The following HUNK variants were observed in gnomAD, a reference collection of about 807,000 sequenced individuals.
HUNK encodes hormonally up-regulated neu tumor-associated kinase.
A neutral mutation model predicts 61.0 loss-of-function variants in HUNK; 21 were observed. The observed-to-expected ratio is 0.34, with a 90% confidence interval of 0.24 to 0.50. The LOEUF is 0.50. Among genes scored for constraint, HUNK ranks in the 20% least tolerant of loss-of-function variants. The probability of loss-of-function intolerance (pLI) is 0.98; values close to 1 mark genes in which losing one functional copy is unlikely to be tolerated. For missense variants in HUNK, 772 were observed against 945.7 expected (o/e 0.82, Z 2.41); for synonymous variants, 371 against 386.1 (o/e 0.96, Z 0.46).
chr21:31,941,177 T>C (rs1351574667), intron 3 of HUNK, among the ~76,000 whole-genome samples: 1 of 152,204 alleles, frequency 6.6e-6, no homozygotes, highest in African/African-American at 2.4e-5. Context: ...CTGATAGGTG[T>C]TGATGGATAC....
chr21:32,003,131 G>A lies in HUNK; in HGVS notation c.*3947G>A, dbSNP rs902208151. 1.3e-5 allele frequency: 2 copies of A among 152,322 alleles called. No homozygotes were observed. The highest frequency in any genetic ancestry group is 4.8e-5 in the African/African-American group (2 of 41,464). The allele number at this position is 152,322 out of a possible 1,614,324, so 9.4% of individuals were successfully genotyped here. A position where few individuals can be genotyped will look rare whatever the true frequency, so the allele number is the denominator to read the frequency against. On this transcript the variant is annotated 3_prime_UTR_variant, in exon 11 of 11. Transcript: ENST00000270112. ...GAGAAATCAGAGAGTGGCTGCCATGGTCAGAGGGGGATGTCAACAACAGAT... is the reference window on the plus strand; with the variant it reads ...GAGAAATCAGAGAGTGGCTGCCATGATCAGAGGGGGATGTCAACAACAGAT...
Position 31,873,685 on chromosome 21 carries a change from C to T in HUNK, c.11C>T (p.Ala4Val), listed in dbSNP as rs1193279874. Reference sequence around the variant, plus strand: ...GCCGCGGCGAGCGCGATGCCGGCGGCGGCGGGGGACGGGCTCCTGGGGGAG... The same window carrying T: ...GCCGCGGCGAGCGCGATGCCGGCGGTGGCGGGGGACGGGCTCCTGGGGGAG... MPAAAGDGLLGEPA... is the reference protein window; with the variant it reads MPAVAGDGLLGEPA... The change falls in exon 1 of 11, where the codon GCG becomes GTG. Residue 4 changes from alanine (A) to valine (V), a missense_variant. Around this residue, in one of 2 missense-constraint regions of HUNK, gnomAD observed 359 missense variants for 501.3 expected, o/e 0.72. Transcript: ENST00000270112. This position sits in a 1 kb window ranked among gnomAD's most constrained non-coding sequence, Gnocchi z 6.1. The T allele has an allele frequency of 2.9e-5, 30 of 1,039,810 alleles. No individual in the cohort carries two copies. The highest frequency in any genetic ancestry group is 3.3e-5 in the Non-Finnish European group (29 of 866,056). 64.4% of individuals were successfully genotyped at this position (1,039,810 alleles called of 1,614,324 possible). A position where few individuals can be genotyped will look rare whatever the true frequency, so the allele number is the denominator to read the frequency against.
intron 9 of HUNK, among the ~76,000 whole-genome samples, chr21:31,995,246 T>C (rs1035946066): frequency 6.7e-6 from 1 of 148,992 alleles, no homozygotes; most frequent in Non-Finnish European, 1.5e-5. Context: ...ACGATTAGGG[T>C]AGAAAGGGCT....
chr21:31,982,441 C>T (rs543168119), intron 7 of HUNK, among the ~76,000 whole-genome samples: 71 of 152,304 alleles, frequency 4.7e-4, no homozygotes, highest in African/African-American at 1.5e-3. Flanking sequence ...CAATTATTTA[C>T]ACCCCGTGTA....
chr21:31,945,966 C>T, intron 3 of HUNK, 70 bp from the exon 4 acceptor site: 8 of 1,446,196 alleles, frequency 5.5e-6, no homozygotes, highest in African/African-American at 2.8e-5. Flanking sequence ...TTTATTTTTC[C>T]TTTTGTTCCT....
At chr21:31,948,812 G>A (rs1224022355) in intron 4 of HUNK, among the ~76,000 whole-genome samples, 12 of 152,294 alleles carry the variant, frequency 7.9e-5, no homozygotes, top group African/African-American at 2.6e-4. Context: ...GAAGCGAGAT[G>A]AGCTCAGGAT....
At chr21:31,910,754 G>T (rs966383481) in intron 1 of HUNK, among the ~76,000 whole-genome samples, 2 of 152,148 alleles carry the variant, frequency 1.3e-5, no homozygotes, top group South Asian at 2.1e-4. Flanking sequence ...CTCCCAAAGT[G>T]CTGGGCAGGA....
intron 1 of HUNK, among the ~76,000 whole-genome samples, chr21:31,885,288 T>C (rs892747111): frequency 6.6e-6 from 1 of 152,252 alleles, no homozygotes; most frequent in African/African-American, 2.4e-5. Context: ...TGTGTGACAG[T>C]GCATGCGCCT....
At chr21:31,900,954 G>T (rs1007947245) in intron 1 of HUNK, among the ~76,000 whole-genome samples, 1 of 152,084 alleles carries the variant, frequency 6.6e-6, no homozygotes, top group Non-Finnish European at 1.5e-5. Context: ...AGGGCTTTGG[G>T]GAAGGGTCTC....
At chr21:31,895,574 A>G (rs926657172) in intron 1 of HUNK, among the ~76,000 whole-genome samples, 1 of 152,176 alleles carries the variant, frequency 6.6e-6, no homozygotes, top group African/African-American at 2.4e-5. Context: ...AGGCCCATCC[A>G]TCTCTGTGTG....
chr21:31,873,816 C>A lies in HUNK; in HGVS notation c.142C>A (p.Arg48=). 2 of 1,571,582 alleles carry A rather than the reference C, an allele frequency of 1.3e-6. No homozygotes were observed. The highest frequency in any genetic ancestry group is 1.7e-6 in the Non-Finnish European group (2 of 1,162,156). Residue 48 remains arginine, a synonymous_variant, in exon 1 of 11, where the codon CGG becomes AGG. Transcript: ENST00000270112. The surrounding 1 kb of genome is among the most constrained non-coding windows in gnomAD (Gnocchi z 6.1). ...CTGGGTGAGCGGCGTGCCCCGCGAG[C>A]GGCTCCGCGACTTCCAGCACCACAA... The part of the protein sequence containing the change: ...PAWVSGVPRE[R]LRDFQHHKRV...
intron 1 of HUNK, among the ~76,000 whole-genome samples, chr21:31,913,160 T>C (rs1482267885): frequency 6.6e-6 from 1 of 152,086 alleles, no homozygotes; most frequent in Non-Finnish European, 1.5e-5. Flanking sequence ...GAGGGTATCA[T>C]AGCAGCTAAG....
intron 5 of HUNK, among the ~76,000 whole-genome samples, chr21:31,964,938 C>T (rs1222207803): frequency 1.3e-5 from 2 of 152,104 alleles, no homozygotes; most frequent in African/African-American, 2.4e-5. Flanking sequence ...GGTTGTTGCC[C>T]AAGTCCTTTG....
In HUNK at chr21:31,999,325, C is replaced by CCTG; in HGVS notation, c.*141_*142insCTG. ...GTAGCTGAATCCACAGACCCAAAGC[C>CCTG]TGCACAACCCAACCTCGCTTAGGGA... On this transcript the variant is annotated 3_prime_UTR_variant, in exon 11 of 11. Transcript: ENST00000270112. 1.3e-6 allele frequency: 1 copy of CCTG among 769,266 alleles called. No individual in the cohort carries two copies. The highest frequency in any genetic ancestry group is 2.0e-5 in the South Asian group (1 of 49,378). The allele number at this position is 769,266 out of a possible 1,614,324, so 47.7% of individuals were successfully genotyped here.
intron 1 of HUNK, among the ~76,000 whole-genome samples, chr21:31,917,695 T>TACACACACACACACACAC (rs3056146): frequency 1.3e-4 from 12 of 94,952 alleles, no homozygotes; most frequent in African/African-American, 3.9e-4. Context: ...TTCCCAAACA[T>TACACACACACACACACAC]ACACACACAC....
intron 6 of HUNK, among the ~76,000 whole-genome samples, chr21:31,971,865 A>G (rs1358971397): frequency 7.0e-6 from 1 of 142,292 alleles, no homozygotes; most frequent in Non-Finnish European, 1.5e-5. Flanking sequence ...GTCTTCCTTC[A>G]TAGCCCAGGC....
At chr21:31,997,318 T>A (rs1601415958) in intron 10 of HUNK, among the ~76,000 whole-genome samples, 1 of 152,230 alleles carries the variant, frequency 6.6e-6, no homozygotes, top group Non-Finnish European at 1.5e-5. Flanking sequence ...ATCTGGCAGG[T>A]TGCCTTAACT....
intron 3 of HUNK, among the ~76,000 whole-genome samples, chr21:31,945,005 A>C (rs1297673876): frequency 6.6e-6 from 1 of 152,176 alleles, no homozygotes; most frequent in Non-Finnish European, 1.5e-5. Flanking sequence ...GTGAGGTGAG[A>C]ATACATTCGT....
intron 1 of HUNK, among the ~76,000 whole-genome samples, chr21:31,896,273 G>A (rs1040412116): frequency 1.3e-5 from 2 of 152,188 alleles, no homozygotes; most frequent in African/African-American, 2.4e-5. Flanking sequence ...CATTTGCTGA[G>A]TGTCCCAGAA....
Sources: allele counts gnomAD v4.1 joint callset (sites outside exome capture counted in the v4.1 genomes callset), GRCh38; gene constraint gnomAD v4.1.1; regional missense constraint gnomAD v4.1.1; non-coding constraint Gnocchi (gnomAD v3.1); transcripts MANE v1.5; gene names NCBI Gene and HGNC (gene_info 2026-07-23, HGNC 2026-07-21).